Variants in ZNF428 observed in about 807,000 individuals in gnomAD.
ZNF428 encodes the protein enzyme-like protein PIT13.
In ZNF428, 5 loss-of-function variants were observed where a neutral mutation model predicts 15.6. The observed-to-expected ratio is 0.32, with a 90% CI of 0.17 to 0.67. ZNF428 has a LOEUF of 0.67. Ranked by LOEUF, ZNF428 falls within the 30% of genes least tolerant of loss-of-function variation. ZNF428 has a pLI of 0.73. For synonymous variants in ZNF428, 97 were observed against 102.2 expected (o/e 0.95, Z 0.31); for missense variants, 237 against 256.0 (o/e 0.93, Z 0.51).
chr19:43,618,200 A>AT (rs1223303103), intron 1 of ZNF428, among the ~76,000 whole-genome samples: 2 of 150,626 alleles, frequency 1.3e-5, no homozygotes, highest in African/African-American at 4.9e-5. Context: ...ACGCCCGACT[A>AT]TTTTTTGTAT....
At chr19:43,614,199 C>T in intron 2 of ZNF428, 30 bp downstream of exon 2, 1 of 1,614,190 alleles carries the variant, frequency 6.2e-7, no homozygotes, top group Non-Finnish European at 8.5e-7. Flanking sequence ...GACAGTCAAG[C>T]CGACGCCACC....
chr19:43,612,833 T>C lies in ZNF428; in HGVS notation c.76+1396A>G, dbSNP rs1973317039. The C allele has an allele frequency of 3.2e-6, 5 of 1,551,520 alleles. No individual in the cohort carries two copies. In the African/African-American group the frequency reaches 4.1e-5, roughly 13 times the overall value. On this transcript the variant is annotated intron_variant, in intron 2 of 2. Coordinates refer to ENST00000300811, the MANE Select transcript of ZNF428 (RefSeq NM_182498.4). The surrounding 1 kb of genome is among the most constrained non-coding windows in gnomAD (Gnocchi z 4.2). ...GAAGAGTGACAACCCATCTCCATCC[T>C]CATCAAGGAAGGTGAAGAGCTACGG... is the stretch of plus-strand genomic sequence containing the variant.
Position 43,612,506 on chromosome 19 carries a change from A to G in ZNF428, c.76+1723T>C, listed in dbSNP as rs1380606533. 1.9e-6 allele frequency: 3 copies of G among 1,551,352 alleles called. No homozygotes were observed. The highest frequency in any genetic ancestry group is 2.0e-5 in the Admixed American group (1 of 50,844). On this transcript the variant is annotated intron_variant, in intron 2 of 2. Transcript: ENST00000300811. The surrounding 1 kb of genome is among the most constrained non-coding windows in gnomAD (Gnocchi z 4.2). ...GGGTAGGACACCTGGCAGAAGGGGA[A>G]GCCGCAGCTCCAAGAGGTCACCCAG...
At position 43,613,091 on chromosome 19, in the gene ZNF428, A is replaced by T. The variant is rs1190908027; in HGVS notation, c.76+1138T>A. 6.4e-6 allele frequency: 10 copies of T among 1,551,474 alleles called. No individual in the cohort carries two copies. The African/African-American group carries it at 1.4e-4, about 21-fold the overall frequency. On this transcript the variant is annotated intron_variant, in intron 2 of 2. Coordinates refer to ENST00000300811, the MANE Select transcript of ZNF428 (RefSeq NM_182498.4). ...AAGTCGCACCCGGAAGGGAATTCTG[A>T]GCCAGATGGGAAGACACAGCCAGTC...
chr19:43,613,027 G>C lies in ZNF428; in HGVS notation c.76+1202C>G, dbSNP rs979041122. 15 of 1,551,542 alleles carry C rather than the reference G, an allele frequency of 9.7e-6. No individual in the cohort carries two copies. In the African/African-American group the frequency reaches 2.1e-4, roughly 21 times the overall value. Reference sequence around the variant, plus strand: ...GTCAGAAGAGGACGCACAGCAGAGTGAGAAGTCACAGTTGGAAGAGAAACC... The same window carrying C: ...GTCAGAAGAGGACGCACAGCAGAGTCAGAAGTCACAGTTGGAAGAGAAACC... On this transcript the variant is annotated intron_variant, in intron 2 of 2. Coordinates refer to ENST00000300811, the MANE Select transcript of ZNF428 (RefSeq NM_182498.4).
At chr19:43,610,340 C>T (rs1398540214) in intron 2 of ZNF428, among the ~76,000 whole-genome samples, 1 of 151,902 alleles carries the variant, frequency 6.6e-6, no homozygotes, top group Non-Finnish European at 1.5e-5. Flanking sequence ...ACTGGGATTA[C>T]AGGGGCGCAC....
intron 1 of ZNF428, among the ~76,000 whole-genome samples, chr19:43,618,508 C>A (rs1973396524): frequency 1.3e-5 from 2 of 151,624 alleles, no homozygotes; most frequent in South Asian, 2.1e-4. Context: ...ACCCTACTAG[C>A]CCCTAGGAGA....
chr19:43,613,415 A>T (rs906041012), intron 2 of ZNF428: 19 of 1,530,192 alleles, frequency 1.2e-5, no homozygotes, highest in South Asian at 3.6e-5. Flanking sequence ...TAGAAGTCCC[A>T]ACAAGGCGAG....
rs1973314761 is a variant in ZNF428, at chr19:43,612,732, T to C, written c.76+1497A>G. The C allele has an allele frequency of 6.4e-7, 1 of 1,551,522 alleles. No individual in the cohort carries two copies. The highest frequency in any genetic ancestry group is 1.7e-4 in the Middle Eastern group (1 of 5,992). On this transcript the variant is annotated intron_variant, in intron 2 of 2. Transcript: ENST00000300811. This position sits in a 1 kb window ranked among gnomAD's most constrained non-coding sequence, Gnocchi z 4.2. ...TACCGCCCACCAGGAGGCTCAGGTA[T>C]AGGGAGGAGTTCCGAGCTGGCTGTA... is the stretch of plus-strand genomic sequence containing the variant.
chr19:43,611,856 T>G (rs955541669), intron 2 of ZNF428, among the ~76,000 whole-genome samples: 1 of 152,166 alleles, frequency 6.6e-6, no homozygotes, highest in African/African-American at 2.4e-5. Context: ...CATCTCTGTG[T>G]CCCCAGCAAT....
At position 43,614,442 on chromosome 19, in the gene ZNF428, G is replaced by A. The variant is rs1973351498; in HGVS notation, c.-130-8C>T. 6 of 1,445,224 alleles carry A rather than the reference G, an allele frequency of 4.2e-6. No homozygotes were observed. Among genetic ancestry groups the A allele is most frequent in the Non-Finnish European group, 5.4e-6 (6 of 1,103,516 alleles). The allele number at this position is 1,445,224 out of a possible 1,614,324, so 89.5% of individuals were successfully genotyped here. On this transcript the variant is annotated splice_polypyrimidine_tract_variant and splice_region_variant and intron_variant, in intron 1 of 2. Coordinates refer to ENST00000300811, the MANE Select transcript of ZNF428 (RefSeq NM_182498.4). ...GGCAGGTAGAGAGGGATGCTGGATAGGGGGAAAGGAAAGACCTGTGATGAT... is the reference window on the plus strand; with the variant it reads ...GGCAGGTAGAGAGGGATGCTGGATAAGGGGAAAGGAAAGACCTGTGATGAT...
rs1031160113 is a variant in ZNF428, at chr19:43,607,686, A to G, written c.498T>C (p.Cys166=). ...EEEGTYHCTE[C]EDSFDNLGEL... is the part of the protein sequence containing the mutation. ...CCCCCAGGTTGTCGAAGGAATCCTC[A>G]CATTCCGTACAGTGGTAGGTTCCCT... Residue 166 remains cysteine (C), a synonymous_variant, in exon 3 of 3, where the codon TGT becomes TGC. Transcript: ENST00000300811. The surrounding 1 kb of genome is among the most constrained non-coding windows in gnomAD (Gnocchi z 5.1). The G allele has an allele frequency of 4.3e-6, 7 of 1,613,326 alleles. No homozygotes were observed. In the South Asian group the frequency reaches 6.6e-5, roughly 15 times the overall value.
At chr19:43,614,960 G>C (rs957034115) in intron 1 of ZNF428, among the ~76,000 whole-genome samples, 2 of 152,096 alleles carry the variant, frequency 1.3e-5, no homozygotes, top group Admixed American at 1.3e-4. Context: ...CTTATTCAGT[G>C]GGGTAGGGAG....
chr19:43,615,036 C>T (rs913003339), intron 1 of ZNF428, among the ~76,000 whole-genome samples: 1 of 151,984 alleles, frequency 6.6e-6, no homozygotes, highest in African/African-American at 2.4e-5. Context: ...GAGAGTGGAG[C>T]GGGACGGATA....
At chr19:43,618,739 T>C (rs1390222692) in intron 1 of ZNF428, among the ~76,000 whole-genome samples, 3 of 152,086 alleles carry the variant, frequency 2.0e-5, no homozygotes, top group African/African-American at 4.8e-5. Context: ...ATTTGGGACA[T>C]ACTTTTCTAA....
In ZNF428 at chr19:43,612,033, T is replaced by G; in HGVS notation, c.76+2196A>C. 1 of 998,184 alleles carries G rather than the reference T, an allele frequency of 1.0e-6. No homozygotes were observed. Among genetic ancestry groups the G allele is most frequent in the Non-Finnish European group, 1.5e-6 (1 of 660,808 alleles). The allele number at this position is 998,184 out of a possible 1,614,324, so 61.8% of individuals were successfully genotyped here. A position where few individuals can be genotyped will look rare whatever the true frequency, so the allele number is the denominator to read the frequency against. Reference sequence around the variant, plus strand: ...CCACTATTACTTCACACAGTTGGCCTGTGACAGGCAATCAGGTCATCGTCC... The same window carrying G: ...CCACTATTACTTCACACAGTTGGCCGGTGACAGGCAATCAGGTCATCGTCC... On this transcript the variant is annotated intron_variant, in intron 2 of 2. Transcript: ENST00000300811. This position sits in a 1 kb window ranked among gnomAD's most constrained non-coding sequence, Gnocchi z 4.2.
chr19:43,609,675 G>T (rs190886346), intron 2 of ZNF428, among the ~76,000 whole-genome samples: 143 of 151,976 alleles, frequency 9.4e-4, no homozygotes, highest in Non-Finnish European at 1.8e-3. Context: ...CCGGGAGGCG[G>T]AGGTTGCGAT....
chr19:43,613,060 G>A (rs1352599502), intron 2 of ZNF428: 15 of 1,551,588 alleles, frequency 9.7e-6, no homozygotes, highest in Non-Finnish European at 1.2e-5. Flanking sequence ...ACCATAGCAG[G>A]GCAAGAAGTC....
At chr19:43,609,893 G>A (rs1343131295) in intron 2 of ZNF428, among the ~76,000 whole-genome samples, 1 of 152,102 alleles carries the variant, frequency 6.6e-6, no homozygotes, top group Non-Finnish European at 1.5e-5. Flanking sequence ...TTCGGCCTTG[G>A]TGGTAGGAGC....
Sources: gnomAD v4.1 joint callset for allele counts (sites outside exome capture counted in the v4.1 genomes callset) on GRCh38, gnomAD v4.1.1 for gene constraint, Gnocchi (gnomAD v3.1) non-coding constraint, MANE v1.5 for transcripts, NCBI Gene and HGNC (gene_info 2026-07-23, HGNC 2026-07-21) for gene names.